The following PIK3C3 variants were observed in gnomAD, a reference collection of about 807,000 sequenced individuals.
The protein encoded by PIK3C3 is PI3-kinase type 3.
A neutral mutation model predicts 126.1 loss-of-function variants in PIK3C3; 95 were observed. The observed-to-expected ratio is 0.75, with a 90% CI of 0.64 to 0.89. The LOEUF is 0.89. PIK3C3 is among the 40% of genes least tolerant of loss of function. The probability of loss-of-function intolerance (pLI) is 0.00; values close to 1 mark genes in which losing one functional copy is unlikely to be tolerated. For synonymous variants in PIK3C3, 374 were observed against 360.0 expected (o/e 1.04, Z -0.44); for missense variants, 829 against 1,063.2 (o/e 0.78, Z 3.06).
chr18:42,034,100 CT>C, intron 16 of PIK3C3, 143 bp downstream of exon 16: 1 of 485,604 alleles, frequency 2.1e-6, no homozygotes. Context: ...TGAAGGGTAC[CT>C]TTTATTTATC....
chr18:42,077,721 C>T (rs994636181), intron 24 of PIK3C3, among the ~76,000 whole-genome samples: 11 of 152,200 alleles, frequency 7.2e-5, no homozygotes, highest in East Asian at 5.8e-4. Context: ...CAACTTCTTC[C>T]GAACTCCTAT....
chr18:42,024,556 C>T (rs1983468815), intron 13 of PIK3C3, among the ~76,000 whole-genome samples: 1 of 151,960 alleles, frequency 6.6e-6, no homozygotes, highest in South Asian at 2.1e-4. Context: ...CTGCCTCAGC[C>T]TCCCACATAG....
intron 4 of PIK3C3, among the ~76,000 whole-genome samples, chr18:41,977,837 G>A (rs767753942): frequency 6.6e-6 from 1 of 152,158 alleles, no homozygotes; most frequent in Non-Finnish European, 1.5e-5. Flanking sequence ...AGCTATGATG[G>A]TAACGAAGTC....
intron 20 of PIK3C3, 133 bp from the exon 21 acceptor site, chr18:42,049,398 G>A (rs2144489771): frequency 1.9e-6 from 1 of 515,770 alleles, no homozygotes; most frequent in South Asian, 3.5e-5. Context: ...GCATATTTGA[G>A]AATTCAGATG....
intron 3 of PIK3C3, among the ~76,000 whole-genome samples, chr18:41,964,775 A>C (rs1372479879): frequency 6.6e-6 from 1 of 152,066 alleles, no homozygotes; most frequent in African/African-American, 2.4e-5. Context: ...TTAAAGAGAG[A>C]ATTGATGCCT....
chr18:42,000,319 T>C (rs1382472517), intron 9 of PIK3C3, among the ~76,000 whole-genome samples: 1 of 152,174 alleles, frequency 6.6e-6, no homozygotes, highest in East Asian at 1.9e-4. Context: ...CCCAAAGCGC[T>C]GGGATTACAG....
intron 2 of PIK3C3, among the ~76,000 whole-genome samples, chr18:41,958,094 C>T (rs565794948): frequency 1.3e-5 from 2 of 152,154 alleles, no homozygotes; most frequent in Non-Finnish European, 2.9e-5. Context: ...TCTGGATAGT[C>T]TGAAATATTG....
At position 41,966,846 on chromosome 18, in the gene PIK3C3, A is replaced by G. The variant is rs548726435; in HGVS notation, c.402-3481A>G. Among the ~76,000 whole-genome samples the G allele has an allele frequency of 2.6e-5, 4 of 152,202 alleles. No homozygotes were observed. The South Asian group carries it at 8.3e-4, about 32-fold the overall frequency. On this transcript the variant is annotated intron_variant, in intron 3 of 24. Transcript: ENST00000262039. Reference sequence around the variant, plus strand: ...ATCATTTTCATTTTTAATCAGTTCAACTCCTATATAGTTGTAGGGCAGTTA... The same window carrying G: ...ATCATTTTCATTTTTAATCAGTTCAGCTCCTATATAGTTGTAGGGCAGTTA...
intron 24 of PIK3C3, among the ~76,000 whole-genome samples, chr18:42,080,288 A>C (rs1986202502): frequency 6.6e-6 from 1 of 152,044 alleles, no homozygotes; most frequent in Non-Finnish European, 1.5e-5. Context: ...TTTTTTCTAG[A>C]GTGACACTTT....
intron 24 of PIK3C3, among the ~76,000 whole-genome samples, chr18:42,076,131 T>TATGCAC (rs1985992813): frequency 1.6e-4 from 13 of 83,440 alleles, no homozygotes; most frequent in Admixed American, 4.8e-4. Context: ...TGCGCATATA[T>TATGCAC]ATATATATAT....
At chr18:42,026,600 C>A (rs79055792) in intron 13 of PIK3C3, 1 of 152,124 alleles carries the variant, frequency 6.6e-6, no homozygotes, top group Non-Finnish European at 1.5e-5. Context: ...GGACTATAGT[C>A]GGCGACACCA....
At chr18:42,016,278 A>G (rs545729861) in intron 12 of PIK3C3, among the ~76,000 whole-genome samples, 2 of 152,274 alleles carry the variant, frequency 1.3e-5, no homozygotes, top group African/African-American at 4.8e-5. Flanking sequence ...GTATGTTTGC[A>G]TATCTTTCGG....
At chr18:41,981,867 T>C (rs184286485) in intron 4 of PIK3C3, among the ~76,000 whole-genome samples, 1 of 150,622 alleles carries the variant, frequency 6.6e-6, no homozygotes, top group Admixed American at 6.6e-5. Context: ...TCCCAGCTAC[T>C]CGGGAGGCTG....
chr18:42,075,436 AT>A (rs1260534161), intron 24 of PIK3C3, among the ~76,000 whole-genome samples: 1 of 151,962 alleles, frequency 6.6e-6, no homozygotes, highest in Non-Finnish European at 1.5e-5. Context: ...ATTTATTTGA[AT>A]TTTTCTTGGC....
At chr18:42,076,185 TATATATGC>T in intron 24 of PIK3C3, among the ~76,000 whole-genome samples, 1 of 120,624 alleles carries the variant, frequency 8.3e-6, no homozygotes, top group Non-Finnish European at 1.6e-5. Flanking sequence ...TATGCACATA[TATATATGC>T]ACACATATAT....
intron 20 of PIK3C3, among the ~76,000 whole-genome samples, chr18:42,045,415 A>G (rs1249999978): frequency 6.6e-6 from 1 of 152,110 alleles, no homozygotes; most frequent in Non-Finnish European, 1.5e-5. Context: ...AAAAAATTGC[A>G]TATCATCTAA....
chr18:41,984,699 ACT>A (rs1405306204), intron 4 of PIK3C3, among the ~76,000 whole-genome samples: 1 of 151,910 alleles, frequency 6.6e-6, no homozygotes, highest in Non-Finnish European at 1.5e-5. Flanking sequence ...CCATCTCTAA[ACT>A]CTACACACCT....
intron 2 of PIK3C3, among the ~76,000 whole-genome samples, chr18:41,959,711 C>T (rs1235580779): frequency 2.6e-5 from 4 of 151,868 alleles, no homozygotes; most frequent in African/African-American, 4.8e-5. Flanking sequence ...GGAGAATCGC[C>T]GGAACCCAGG....
chr18:42,004,628 T>TGAGAGA lies in PIK3C3; in HGVS notation c.1170+93_1170+98dup, dbSNP rs989915408. ...CTATGTGTGTATGTGTGTGTGAGAG[T>TGAGAGA]GAGAGAGAGAGTGTGTGCACATGCA... is the stretch of plus-strand genomic sequence containing the variant. On this transcript the variant is annotated intron_variant, in intron 10 of 24. Coordinates refer to ENST00000262039, the MANE Select transcript of PIK3C3 (RefSeq NM_002647.4). 54 of 1,032,200 alleles carry TGAGAGA rather than the reference T, an allele frequency of 5.2e-5. 1 individual carries two copies. The Admixed American group carries it at 1.2e-3, about 22-fold the overall frequency. The allele number at this position is 1,032,200 out of a possible 1,614,324, so 63.9% of individuals were successfully genotyped here.
Sources: gnomAD v4.1 joint callset for allele counts (sites outside exome capture counted in the v4.1 genomes callset) on GRCh38, gnomAD v4.1.1 for gene constraint, MANE v1.5 for transcripts, NCBI Gene and HGNC (gene_info 2026-07-23, HGNC 2026-07-21) for gene names.